Variants in CTR9 observed in about 807,000 individuals in gnomAD.
CTR9 encodes the protein RNA polymerase-associated protein CTR9 homolog.
A neutral mutation model predicts 152.1 loss-of-function variants in CTR9; 41 were observed. That is an observed-to-expected ratio of 0.27 (90% confidence interval 0.21 to 0.35). The LOEUF (loss-of-function observed/expected upper bound fraction) is 0.35, where lower values mean the gene tolerates loss of function less well. CTR9 is among the 10% of genes least tolerant of loss of function. The pLI is 1.00. For missense variants in CTR9, 917 were observed against 1,424.4 expected, an observed-to-expected ratio of 0.64 and a Z score of 5.73; for synonymous variants, 476 against 496.2, an observed-to-expected ratio of 0.96 and a Z score of 0.54.
In CTR9 at chr11:10,767,522, A is replaced by G. The variant is rs1016975349; in HGVS notation, c.1687-284A>G. ...GTGTGTCTATCCAACAGGGAGCCAC[A>G]GTATTTAAATTGACCAACCTAATGT... is the stretch of plus-strand genomic sequence containing the variant. On this transcript the variant is annotated intron_variant, in intron 13 of 24. Coordinates refer to ENST00000361367, the MANE Select transcript of CTR9 (RefSeq NM_014633.5). The surrounding 1 kb of genome is among the most constrained non-coding windows in gnomAD (Gnocchi z 4.0). 4 of 289,102 alleles carry G rather than the reference A, an allele frequency of 1.4e-5. No individual in the cohort carries two copies. The highest frequency in any genetic ancestry group is 8.7e-5 in the African/African-American group (4 of 45,890). 17.9% of individuals were successfully genotyped at this position (289,102 alleles called of 1,614,324 possible). A position where few individuals can be genotyped will look rare whatever the true frequency, so the allele number is the denominator to read the frequency against.
At position 10,779,025 on chromosome 11, in the gene CTR9, G is replaced by C. The variant is rs756490968; in HGVS notation, c.3442G>C (p.Gly1148Arg). 5 of 1,614,034 alleles carry C rather than the reference G, an allele frequency of 3.1e-6. No homozygotes were observed. Among genetic ancestry groups the C allele is most frequent in the Non-Finnish European group, 4.2e-6 (5 of 1,180,034 alleles). ...SDNEGSGQGS[G>R]NESEPEGSNN... is the part of the protein sequence containing the mutation. ...TAATGAGGGTTCTGGCCAAGGCTCT[G>C]GAAATGAATCGGAACCAGAGGGATC... The change falls in exon 25 of 25, where the codon GGA becomes CGA. Residue 1148 changes from glycine (G) to arginine (R), a missense_variant. By Grantham distance (125) the Gly-to-Arg change is moderately radical. Around this residue, in one of 9 missense-constraint regions of CTR9, gnomAD observed 384 missense variants for 398.4 expected, o/e 0.96. Transcript: ENST00000361367.
At chr11:10,764,085 T>C in intron 9 of CTR9, 27 bp from the exon 10 acceptor site, 1 of 1,605,960 alleles carries the variant, frequency 6.2e-7, no homozygotes, top group Non-Finnish European at 8.5e-7. Flanking sequence ...ATGGAATACT[T>C]CAGCTTAACA....
chr11:10,778,088 C>A (rs1192099373), intron 24 of CTR9, among the ~76,000 whole-genome samples: 1 of 152,146 alleles, frequency 6.6e-6, no homozygotes, highest in African/African-American at 2.4e-5. Flanking sequence ...ACCAAAGGGC[C>A]CCTTTAGCCC....
At chr11:10,769,492 G>A (rs1863109421) in intron 16 of CTR9, among the ~76,000 whole-genome samples, 1 of 152,152 alleles carries the variant, frequency 6.6e-6, no homozygotes, top group South Asian at 2.1e-4. Flanking sequence ...AATATTCAGA[G>A]TACTGGAAAG....
At chr11:10,761,482 C>T (rs1862976940) in intron 6 of CTR9, among the ~76,000 whole-genome samples, 1 of 152,076 alleles carries the variant, frequency 6.6e-6, no homozygotes, top group Non-Finnish European at 1.5e-5. Flanking sequence ...TGGTGGCTCT[C>T]ACCTATAATC....
chr11:10,775,342 A>G (rs1863215552), intron 23 of CTR9, 39 bp downstream of exon 23: 2 of 1,547,800 alleles, frequency 1.3e-6, no homozygotes, highest in Non-Finnish European at 1.8e-6. Flanking sequence ...CCCCTAGTAG[A>G]TGTGAAAGAT....
Position 10,771,593 on chromosome 11 carries a change from G to T in CTR9, c.2421G>T (p.Leu807Phe). ...TGGGAGATAAAATGAGATTTGATTT[G>T]GCCCTTGCTGCTACAGAAGCCAGGT... ...SKVGDKMRFD[L>F]ALAATEARQC... The change falls in exon 19 of 25, where the codon TTG becomes TTT. Residue 807 changes from leucine to phenylalanine, a missense_variant. By Grantham distance (22) the Leu-to-Phe change is conservative. Transcript: ENST00000361367. 2 of 1,612,600 alleles carry T rather than the reference G, an allele frequency of 1.2e-6. No homozygotes were observed. The highest frequency in any genetic ancestry group is 1.7e-6 in the Non-Finnish European group (2 of 1,178,746).
In CTR9 at chr11:10,756,818, G is replaced by A. The variant is rs753118059; in HGVS notation, c.572G>A (p.Arg191His). Residue 191 changes from arginine (R) to histidine (H), a missense_variant, in exon 5 of 25, where the codon CGT (arginine) becomes CAT (histidine). This residue lies in a region of CTR9 where 110 missense variants were observed against 149.5 expected (regional missense o/e 0.74). Transcript: ENST00000361367. The stretch of plus-strand genomic sequence containing the variant: ...CTTGCTTACTATAAGAAAGCATTGC[G>A]TACTAACCCAGGATGTCCAGGTAAG... The part of the protein sequence containing the change: ...GALAYYKKAL[R>H]TNPGCPAEVR... 7 of 1,612,214 alleles carry A rather than the reference G, an allele frequency of 4.3e-6. No individual in the cohort carries two copies. Among genetic ancestry groups the A allele is most frequent in the African/African-American group, 1.3e-5 (1 of 74,860 alleles).
intron 12 of CTR9, 183 bp from the exon 13 acceptor site, chr11:10,766,219 G>A: frequency 1.7e-6 from 1 of 586,164 alleles, no homozygotes; most frequent in Non-Finnish European, 3.0e-6. Context: ...AGTAAGTCTA[G>A]ATGGTGACAA....
chr11:10,777,224 C>G (rs1055403694), intron 24 of CTR9, among the ~76,000 whole-genome samples: 2 of 151,768 alleles, frequency 1.3e-5, no homozygotes, highest in African/African-American at 4.8e-5. Context: ...GGGAGGTAAT[C>G]TATAAAGAAC....
chr11:10,764,458 C>A (rs1215197861), intron 11 of CTR9, 22 bp downstream of exon 11: 2 of 1,581,122 alleles, frequency 1.3e-6, no homozygotes, highest in African/African-American at 1.4e-5. Flanking sequence ...GAAATATTTC[C>A]TTCTTTTATA....
rs10500731 is a variant in CTR9 at position 10,770,779 on chromosome 11, A to G, written c.2372+147A>G. On this transcript the variant is annotated intron_variant, in intron 18 of 24. Transcript: ENST00000361367. ...AATCACTTCCTTCTAAAGGTGGTCT[A>G]TTAGAATCATTCCAGCAATAGTTAA... The G allele has an allele frequency of 0.11, 77,023 of 720,620 alleles. 4,813 individuals carry two copies. Among genetic ancestry groups the G allele is most frequent in the African/African-American group, 0.15 (8,220 of 55,992 alleles). 44.6% of individuals were successfully genotyped at this position (720,620 alleles called of 1,614,324 possible).
intron 2 of CTR9, among the ~76,000 whole-genome samples, chr11:10,753,081 C>G (rs774986922): frequency 5.9e-5 from 9 of 152,154 alleles, no homozygotes; most frequent in Non-Finnish European, 1.0e-4. Context: ...TGAAAAGAAG[C>G]GAAGTGCTTC....
At chr11:10,778,626 A>G in intron 24 of CTR9, 53 bp from the exon 25 acceptor site, 1 of 1,542,998 alleles carries the variant, frequency 6.5e-7, no homozygotes, top group Non-Finnish European at 8.8e-7. Context: ...CTGCTCATCA[A>G]GGCCCCAGTT....
At chr11:10,772,133 A>G (rs1401454354) in intron 19 of CTR9, among the ~76,000 whole-genome samples, 1 of 152,052 alleles carries the variant, frequency 6.6e-6, no homozygotes, top group Admixed American at 6.6e-5. Context: ...AGGTGGGCGG[A>G]TCAGCTGAGG....
At chr11:10,777,407 A>T (rs574424764) in intron 24 of CTR9, among the ~76,000 whole-genome samples, 12 of 152,216 alleles carry the variant, frequency 7.9e-5, no homozygotes, top group African/African-American at 2.9e-4. Context: ...AAAATAAACA[A>T]ACAAAAAAAG....
At chr11:10,753,718 T>C (rs1310811902) in intron 2 of CTR9, among the ~76,000 whole-genome samples, 12 of 149,702 alleles carry the variant, frequency 8.0e-5, no homozygotes, top group Admixed American at 8.0e-4. Context: ...TTTAAGTACA[T>C]ATGCCCTCCT....
At chr11:10,754,108 A>C (rs11042953) in intron 2 of CTR9, among the ~76,000 whole-genome samples, 7,965 of 152,278 alleles carry the variant, frequency 0.052, 368 homozygotes, top group East Asian at 0.19. Flanking sequence ...CCTGGGCTCA[A>C]GCCATCCTGC....
Position 10,779,230 on chromosome 11 carries a change from C to G in CTR9, c.*125C>G, listed in dbSNP as rs1863293169. ...TTCTTAAGGCAATTTTCTTTTCTAT[C>G]AGTTTGTATATTACTAAGCCCCAAG... On this transcript the variant is annotated 3_prime_UTR_variant, in exon 25 of 25. Coordinates refer to ENST00000361367, the MANE Select transcript of CTR9 (RefSeq NM_014633.5). 5.4e-6 allele frequency: 5 copies of G among 933,856 alleles called. No homozygotes were observed. Among genetic ancestry groups the G allele is most frequent in the Non-Finnish European group, 7.8e-6 (5 of 641,546 alleles). 57.8% of individuals were successfully genotyped at this position (933,856 alleles called of 1,614,324 possible). A position where few individuals can be genotyped will look rare whatever the true frequency, so the allele number is the denominator to read the frequency against.
Sources: allele counts gnomAD v4.1 joint callset (sites outside exome capture counted in the v4.1 genomes callset), GRCh38; gene constraint gnomAD v4.1.1; regional missense constraint gnomAD v4.1.1; non-coding constraint Gnocchi (gnomAD v3.1); transcripts MANE v1.5; gene names NCBI Gene and HGNC (gene_info 2026-07-23, HGNC 2026-07-21).